The following NKAIN2 variants were observed in gnomAD, a reference collection of about 807,000 sequenced individuals.
The protein encoded by NKAIN2 is sodium/potassium transporting ATPase interacting 2, also known as sodium/potassium-transporting ATPase subunit beta-1-interacting protein 2.
In NKAIN2, 14 loss-of-function variants were observed where a neutral mutation model predicts 32.6. The observed-to-expected ratio is 0.43, with a 90% CI of 0.28 to 0.67. The LOEUF (loss-of-function observed/expected upper bound fraction) is 0.67, where lower values mean the gene tolerates loss of function less well. NKAIN2 is among the 30% of genes least tolerant of loss of function. The probability of loss-of-function intolerance (pLI) is 0.17; values close to 1 mark genes in which losing one functional copy is unlikely to be tolerated. For synonymous variants in NKAIN2, 80 were observed against 87.2 expected, an observed-to-expected ratio of 0.92 and a Z score of 0.46; for missense variants, 198 against 258.3, an observed-to-expected ratio of 0.77 and a Z score of 1.60.
At chr6:124,352,424 A>G (rs570137672) in intron 2 of NKAIN2, among the ~76,000 whole-genome samples, 1 of 152,358 alleles carries the variant, frequency 6.6e-6, no homozygotes, top group South Asian at 2.1e-4. Context: ...GTGAATACAG[A>G]TAAACATGGT....
chr6:124,792,498 T>C (rs879424055), intron 5 of NKAIN2, among the ~76,000 whole-genome samples: 1 of 152,210 alleles, frequency 6.6e-6, no homozygotes, highest in Non-Finnish European at 1.5e-5. Flanking sequence ...GTATTTCAAG[T>C]GCTGTGTCAG....
At chr6:124,644,144 C>T (rs6932501) in intron 3 of NKAIN2, among the ~76,000 whole-genome samples, 40,683 of 151,930 alleles carry the variant, frequency 0.27, 5,701 homozygotes, top group African/African-American at 0.35. Context: ...CATCATCAGA[C>T]CTTGTTATTT....
intron 1 of NKAIN2, chr6:124,121,906 T>A (rs1353948584): frequency 8.0e-7 from 1 of 1,245,578 alleles, no homozygotes; most frequent in Non-Finnish European, 1.1e-6. Context: ...GATCATTAGG[T>A]TTCTCTTATT....
chr6:124,800,473 G>A (rs1780202197), intron 5 of NKAIN2, among the ~76,000 whole-genome samples: 1 of 152,198 alleles, frequency 6.6e-6, no homozygotes, highest in South Asian at 2.1e-4. Flanking sequence ...TGACTGGTTG[G>A]CGTTGTGTGG....
At chr6:124,332,841 GA>G (rs1335750314) in intron 2 of NKAIN2, among the ~76,000 whole-genome samples, 1 of 151,952 alleles carries the variant, frequency 6.6e-6, no homozygotes, top group Non-Finnish European at 1.5e-5. Flanking sequence ...TACTTCTCCA[GA>G]AAAAAATAAC....
At chr6:124,812,514 C>T (rs1466754887) in intron 5 of NKAIN2, among the ~76,000 whole-genome samples, 1 of 152,080 alleles carries the variant, frequency 6.6e-6, no homozygotes, top group Non-Finnish European at 1.5e-5. Context: ...AATAAACAAG[C>T]AGATTTATAC....
intron 5 of NKAIN2, among the ~76,000 whole-genome samples, chr6:124,803,427 T>C (rs1030831603): frequency 2.2e-4 from 34 of 152,316 alleles, no homozygotes; most frequent in African/African-American, 8.2e-4. Context: ...CAGTTCCTTT[T>C]GCCCACAAAT....
At chr6:123,926,385 C>T (rs1776004099) in intron 1 of NKAIN2, among the ~76,000 whole-genome samples, 1 of 152,122 alleles carries the variant, frequency 6.6e-6, no homozygotes, top group African/African-American at 2.4e-5. Flanking sequence ...AAACCTAAGT[C>T]TTCACTTCTG....
intron 1 of NKAIN2, among the ~76,000 whole-genome samples, chr6:123,843,596 G>T (rs912640340): frequency 6.6e-6 from 1 of 152,128 alleles, no homozygotes; most frequent in Non-Finnish European, 1.5e-5. Flanking sequence ...TGTGAGTCCA[G>T]GCTTGAGGGT....
chr6:124,748,853 TAA>T (rs5879757), intron 4 of NKAIN2, among the ~76,000 whole-genome samples: 136 of 148,422 alleles, frequency 9.2e-4, no homozygotes, highest in African/African-American at 3.2e-3. Context: ...ACTTCTAATT[TAA>T]AAAAAAAAAG....
At chr6:124,002,911 C>A (rs1779935513) in intron 1 of NKAIN2, among the ~76,000 whole-genome samples, 1 of 152,246 alleles carries the variant, frequency 6.6e-6, no homozygotes, top group Middle Eastern at 3.4e-3. Flanking sequence ...TGCTGGCATG[C>A]TGAACCAACT....
At chr6:124,694,193 C>G (rs1470259427) in intron 4 of NKAIN2, among the ~76,000 whole-genome samples, 1 of 131,784 alleles carries the variant, frequency 7.6e-6, no homozygotes, top group African/African-American at 2.9e-5. Context: ...TTATCTTTAG[C>G]AGAAAATAAT....
chr6:124,644,556 C>T (rs369636995), intron 3 of NKAIN2, among the ~76,000 whole-genome samples: 1 of 152,194 alleles, frequency 6.6e-6, no homozygotes, highest in Admixed American at 6.5e-5. Flanking sequence ...AGGCATGTGG[C>T]ACCACGCCCA....
At chr6:124,609,910 T>A (rs534397956) in intron 3 of NKAIN2, among the ~76,000 whole-genome samples, 1 of 152,288 alleles carries the variant, frequency 6.6e-6, no homozygotes, top group Admixed American at 6.5e-5. Flanking sequence ...GTCTTTGCAA[T>A]AGAGACAATA....
chr6:124,015,801 C>T (rs1562309889), intron 1 of NKAIN2, among the ~76,000 whole-genome samples: 2 of 152,176 alleles, frequency 1.3e-5, no homozygotes, highest in Non-Finnish European at 2.9e-5. Context: ...TTTCCCTCTC[C>T]TCCTAAGAAA....
At chr6:124,598,054 C>A (rs1054725917) in intron 3 of NKAIN2, among the ~76,000 whole-genome samples, 6 of 152,142 alleles carry the variant, frequency 3.9e-5, no homozygotes, top group African/African-American at 1.2e-4. Flanking sequence ...AGCTGTCTAA[C>A]CTTTTCCTGA....
At chr6:124,059,296 G>A (rs1329292034) in intron 1 of NKAIN2, among the ~76,000 whole-genome samples, 1 of 151,926 alleles carries the variant, frequency 6.6e-6, no homozygotes, top group Non-Finnish European at 1.5e-5. Flanking sequence ...GCACCTTCTC[G>A]GACAGCTTTC....
chr6:124,446,006 G>A (rs916293714), intron 3 of NKAIN2, among the ~76,000 whole-genome samples: 3 of 152,004 alleles, frequency 2.0e-5, no homozygotes, highest in East Asian at 1.9e-4. Context: ...ATGGGGGAGC[G>A]GGAATCCCTG....
chr6:124,323,269 C>T (rs565037281), intron 2 of NKAIN2, among the ~76,000 whole-genome samples: 12 of 152,184 alleles, frequency 7.9e-5, no homozygotes, highest in South Asian at 2.1e-4. Flanking sequence ...TAAAAGTAAT[C>T]GATTTTGATT....
Sources: gnomAD v4.1 joint callset for allele counts (sites outside exome capture counted in the v4.1 genomes callset) on GRCh38, gnomAD v4.1.1 for gene constraint, MANE v1.5 for transcripts, NCBI Gene and HGNC (gene_info 2026-07-23, HGNC 2026-07-21) for gene names.